The following HPGDS variants were observed in gnomAD, a reference collection of about 807,000 sequenced individuals.
HPGDS encodes the protein hematopoietic prostaglandin D synthase, also known as GST class-sigma.
A neutral mutation model predicts 23.1 loss-of-function variants in HPGDS; 26 were observed. That is an observed-to-expected ratio of 1.13 (90% CI 0.83 to 1.56). The LOEUF is 1.56. HPGDS is among the 40% of genes most tolerant of loss of function. The pLI, the probability that HPGDS is intolerant of heterozygous loss-of-function variation, is 0.00. For missense variants in HPGDS, 268 were observed against 236.4 expected (o/e 1.13, Z -0.88); for synonymous variants, 95 against 77.9 (o/e 1.22, Z -1.16).
intron 4 of HPGDS, among the ~76,000 whole-genome samples, chr4:94,307,159 T>TA (rs34432385): frequency 0.53 from 80,173 of 151,790 alleles, 21,600 homozygotes; most frequent in East Asian, 0.7. Flanking sequence ...AGTCAAACTA[T>TA]AAACAAGTTT....
intron 1 of HPGDS, among the ~76,000 whole-genome samples, chr4:94,340,292 TC>T (rs1560597901): frequency 8.4e-5 from 6 of 71,148 alleles, no homozygotes; most frequent in South Asian, 4.3e-4. Context: ...TTTCTTTCTT[TC>T]TTTCTTTCTT....
Position 94,302,245 on chromosome 4 carries a change from C to G in HPGDS, c.337-1G>C. On this transcript the variant is annotated splice_acceptor_variant, in intron 4 of 5. Transcript: ENST00000295256. LOFTEE classifies it high-confidence loss of function. Reference sequence around the variant, plus strand: ...TGAGCAGCTCATTGAACATCTGCTCCTAGGAGAAGGAGAAAATATCACTTT... The same window carrying G: ...TGAGCAGCTCATTGAACATCTGCTCGTAGGAGAAGGAGAAAATATCACTTT... 6.3e-7 allele frequency: 1 copy of G among 1,596,886 alleles called. No homozygotes were observed. The highest frequency in any genetic ancestry group is 8.6e-7 in the Non-Finnish European group (1 of 1,167,172).
intron 2 of HPGDS, among the ~76,000 whole-genome samples, chr4:94,320,293 G>A (rs1560590338): frequency 6.6e-6 from 1 of 152,096 alleles, no homozygotes; most frequent in African/African-American, 2.4e-5. Context: ...GGGATCACTG[G>A]GTCAAATGGT....
chr4:94,308,034 T>C (rs1756171738), intron 4 of HPGDS, among the ~76,000 whole-genome samples: 2 of 152,138 alleles, frequency 1.3e-5, no homozygotes, highest in South Asian at 4.1e-4. Flanking sequence ...AATTCCAGAC[T>C]TTTTCAGATT....
At chr4:94,321,602 T>C (rs1194486221) in intron 2 of HPGDS, among the ~76,000 whole-genome samples, 2 of 152,178 alleles carry the variant, frequency 1.3e-5, no homozygotes, top group Non-Finnish European at 2.9e-5. Flanking sequence ...GTGATTTTTG[T>C]ACATTGATTT....
intron 4 of HPGDS, among the ~76,000 whole-genome samples, chr4:94,306,045 G>A (rs1337852597): frequency 6.6e-6 from 1 of 152,078 alleles, no homozygotes; most frequent in Non-Finnish European, 1.5e-5. Flanking sequence ...GAGTAACACA[G>A]GCACATGGTG....
At chr4:94,306,933 G>T (rs1172154857) in intron 4 of HPGDS, among the ~76,000 whole-genome samples, 9 of 151,818 alleles carry the variant, frequency 5.9e-5, no homozygotes, top group African/African-American at 1.9e-4. Flanking sequence ...CAGATTGAAC[G>T]GAATCACCAA....
At chr4:94,302,613 G>A (rs1437776460) in intron 4 of HPGDS, among the ~76,000 whole-genome samples, 2 of 151,926 alleles carry the variant, frequency 1.3e-5, no homozygotes, top group African/African-American at 4.8e-5. Context: ...CTTTTTTAAA[G>A]CTAAATAATG....
chr4:94,323,578 T>C (rs1016489258), intron 2 of HPGDS, among the ~76,000 whole-genome samples: 2 of 152,202 alleles, frequency 1.3e-5, no homozygotes, highest in Non-Finnish European at 2.9e-5. Context: ...GAGAGTAGGA[T>C]TGCAACCCCT....
At position 94,309,199 on chromosome 4, in the gene HPGDS, C is replaced by A. The variant is rs564662490; in HGVS notation, c.227-456G>T. Reference sequence around the variant, plus strand: ...GGTTTGTTACATATGTATACATGTGCCATGTTGGTGTGCTGCACCCATTAA... The same window carrying A: ...GGTTTGTTACATATGTATACATGTGACATGTTGGTGTGCTGCACCCATTAA... On this transcript the variant is annotated intron_variant, in intron 3 of 5. Transcript: ENST00000295256. Among the ~76,000 whole-genome samples, 585 of 151,316 alleles carry A rather than the reference C, an allele frequency of 3.9e-3. 2 individuals are homozygous for A. The highest frequency in any genetic ancestry group is 0.014 in the Middle Eastern group (4 of 294).
At chr4:94,314,395 A>G (rs1756349199) in intron 3 of HPGDS, among the ~76,000 whole-genome samples, 1 of 152,202 alleles carries the variant, frequency 6.6e-6, no homozygotes, top group Non-Finnish European at 1.5e-5. Flanking sequence ...GGAGTTTGCC[A>G]GAGGTCCACT....
rs142549498 is a variant in HPGDS at position 94,307,987 on chromosome 4, T to C, written c.336+647A>G. Among the ~76,000 whole-genome samples the C allele has an allele frequency of 4.9e-3, 745 of 152,210 alleles. 3 individuals are homozygous for C. Among genetic ancestry groups the C allele is most frequent in the African/African-American group, 0.017 (703 of 41,534 alleles). ...GAAAAATTGTTATTTCAGGTTGAGA[T>C]CCCTTATCCAACATGCTTGGGAACA... is the stretch of plus-strand genomic sequence containing the variant. On this transcript the variant is annotated intron_variant, in intron 4 of 5. Coordinates refer to ENST00000295256, the MANE Select transcript of HPGDS (RefSeq NM_014485.3).
chr4:94,340,311 C>CTTTCTTTTTCTTTTCTTTT lies in HPGDS; in HGVS notation c.-10+2483_-10+2484insAAAAGAAAAGAAAAAGAAA. Among the ~76,000 whole-genome samples, 13 of 23,678 alleles carry CTTTCTTTTTCTTTTCTTTT rather than the reference C, an allele frequency of 5.5e-4. 3 individuals carry two copies. The highest frequency in any genetic ancestry group is 1.4e-3 in the East Asian group (1 of 732). The allele number at this position is 23,678 out of a possible 152,430, so 15.5% of individuals were successfully genotyped here. A position where few individuals can be genotyped will look rare whatever the true frequency, so the allele number is the denominator to read the frequency against. On this transcript the variant is annotated intron_variant, in intron 1 of 5. Coordinates refer to ENST00000295256, the MANE Select transcript of HPGDS (RefSeq NM_014485.3). ...TTTCTTTCTTTCTTTCTTTCTTTCT[C>CTTTCTTTTTCTTTTCTTTT]TTTTTTTTTTTTTTTTTTTTTTTTT... is the stretch of plus-strand genomic sequence containing the variant.
intron 2 of HPGDS, among the ~76,000 whole-genome samples, chr4:94,324,704 A>G (rs957463554): frequency 3.9e-5 from 6 of 152,172 alleles, no homozygotes; most frequent in African/African-American, 1.2e-4. Flanking sequence ...GGGTTCAAAC[A>G]TCCTCCTTTA....
At chr4:94,311,003 C>T (rs950235584) in intron 3 of HPGDS, among the ~76,000 whole-genome samples, 9 of 152,186 alleles carry the variant, frequency 5.9e-5, no homozygotes, top group South Asian at 2.1e-4. Flanking sequence ...TGAGACTTTG[C>T]TGAAGTTGCT....
At chr4:94,337,791 G>T (rs1219440413) in intron 1 of HPGDS, among the ~76,000 whole-genome samples, 1 of 152,172 alleles carries the variant, frequency 6.6e-6, no homozygotes, top group East Asian at 1.9e-4. Context: ...AAAACAAAGT[G>T]ATTGTTTTTT....
At chr4:94,340,316 T>C (rs866264954) in intron 1 of HPGDS, among the ~76,000 whole-genome samples, 520 of 17,004 alleles carry the variant, frequency 0.031, 11 homozygotes, top group South Asian at 0.059. Flanking sequence ...TTTCTCTTTT[T>C]TTTTTTTTTT....
rs1174325604 is a variant in HPGDS at position 94,299,254 on chromosome 4, C to A, written c.*226G>T. On this transcript the variant is annotated 3_prime_UTR_variant, in exon 6 of 6. Transcript: ENST00000295256. ...AAGCAAGGTCTGCCTGTATTACATA[C>A]TATTTTTCTGTAATTGTAAATGATG... The A allele has an allele frequency of 2.2e-6, 1 of 449,600 alleles. No homozygotes were observed. The highest frequency in any genetic ancestry group is 3.9e-6 in the Non-Finnish European group (1 of 253,340). 27.9% of individuals were successfully genotyped at this position (449,600 alleles called of 1,614,324 possible). A position where few individuals can be genotyped will look rare whatever the true frequency, so the allele number is the denominator to read the frequency against.
At chr4:94,324,707 C>T (rs1383220705) in intron 2 of HPGDS, among the ~76,000 whole-genome samples, 2 of 152,142 alleles carry the variant, frequency 1.3e-5, no homozygotes, top group Non-Finnish European at 2.9e-5. Context: ...TTCAAACATC[C>T]TCCTTTAGCT....
Sources: allele counts gnomAD v4.1 joint callset (sites outside exome capture counted in the v4.1 genomes callset), GRCh38; gene constraint gnomAD v4.1.1; transcripts MANE v1.5; gene names NCBI Gene and HGNC (gene_info 2026-07-23, HGNC 2026-07-21).